POPDC1: variants seen among roughly 807,000 people sequenced by gnomAD.
POPDC1 encodes the protein popeye domain-containing protein 1.
At chr6:105,113,689 C>T in the POPDC1 span, among the ~76,000 whole-genome samples, 1 of 152,054 alleles carries the variant, frequency 6.6e-6, no homozygotes, top group Non-Finnish European at 1.5e-5. Flanking sequence ...TTAATACCTT[C>T]AAAAAGTTAC....
the POPDC1 span, chr6:105,133,302 C>T: frequency 6.9e-7 from 1 of 1,453,074 alleles, no homozygotes; most frequent in Non-Finnish European, 9.5e-7. Flanking sequence ...TAAAGCCCAT[C>T]TTATGTCAGT....
At chr6:105,129,566 A>C in the POPDC1 span, 1 of 1,512,186 alleles carries the variant, frequency 6.6e-7, no homozygotes, top group Non-Finnish European at 9.0e-7. Flanking sequence ...GAGCTTAATA[A>C]ATTTGATATC....
chr6:105,109,784 A>AAAAAAAAAAAAAAAAAAAAAT, the POPDC1 span, among the ~76,000 whole-genome samples: 1 of 140,926 alleles, frequency 7.1e-6, no homozygotes, highest in African/African-American at 2.6e-5. Context: ...AAAAAAAAAG[A>AAAAAAAAAAAAAAAAAAAAAT]TTAAGTGTAT....
At chr6:105,115,811 T>C in the POPDC1 span, 1 of 1,613,706 alleles carries the variant, frequency 6.2e-7, no homozygotes, top group Non-Finnish European at 8.5e-7. Flanking sequence ...GAGCTGATGT[T>C]CCAGCTTTTT....
the POPDC1 span, among the ~76,000 whole-genome samples, chr6:105,127,352 G>A: frequency 6.6e-6 from 1 of 152,214 alleles, no homozygotes; most frequent in African/African-American, 2.4e-5. Flanking sequence ...TTCAGAAAAT[G>A]CAATCATTAT....
the POPDC1 span, among the ~76,000 whole-genome samples, chr6:105,106,728 T>C: frequency 6.6e-6 from 1 of 152,164 alleles, no homozygotes; most frequent in Non-Finnish European, 1.5e-5. Flanking sequence ...AGGGCGGGCT[T>C]GGGCTGCCCT....
chr6:105,132,018 T>A, the POPDC1 span, among the ~76,000 whole-genome samples: 1 of 150,292 alleles, frequency 6.7e-6, no homozygotes, highest in Admixed American at 6.7e-5. Context: ...CAGGTTGGAG[T>A]GCAGTGGCAC....
the POPDC1 span, chr6:105,096,896 CA>C: frequency 3.9e-5 from 6 of 152,752 alleles, no homozygotes; most frequent in South Asian, 1.2e-3. Context: ...TCTATCCAGA[CA>C]AAAAGCATCT....
At chr6:105,118,379 T>G in the POPDC1 span, among the ~76,000 whole-genome samples, 1 of 152,240 alleles carries the variant, frequency 6.6e-6, no homozygotes, top group Non-Finnish European at 1.5e-5. Flanking sequence ...TGTTTATTTA[T>G]TATATCAAAA....
chr6:105,102,275 G>A, the POPDC1 span, among the ~76,000 whole-genome samples: 2 of 152,194 alleles, frequency 1.3e-5, no homozygotes, highest in African/African-American at 4.8e-5. Flanking sequence ...AAGACATGAA[G>A]CAGATCTGCT....
the POPDC1 span, chr6:105,125,627 A>C: frequency 2.6e-5 from 40 of 1,553,468 alleles, no homozygotes; most frequent in Non-Finnish European, 3.5e-5. Flanking sequence ...CAGCAATCCC[A>C]AAACACTGAC....
chr6:105,096,830 G>C, the POPDC1 span: 1 of 152,626 alleles, frequency 6.6e-6, no homozygotes, highest in Non-Finnish European at 1.5e-5. Context: ...CATTTTCTAA[G>C]TAAGAAATTT....
At chr6:105,107,358 G>T in the POPDC1 span, among the ~76,000 whole-genome samples, 1 of 152,150 alleles carries the variant, frequency 6.6e-6, no homozygotes, top group African/African-American at 2.4e-5. Context: ...TCCCTATTAA[G>T]CTTATTTCTA....
At chr6:105,102,735 A>C in the POPDC1 span, among the ~76,000 whole-genome samples, 3 of 152,216 alleles carry the variant, frequency 2.0e-5, no homozygotes, top group Non-Finnish European at 4.4e-5. Flanking sequence ...TTGGGCCTAT[A>C]GAACATGTGA....
the POPDC1 span, among the ~76,000 whole-genome samples, chr6:105,119,719 G>A: frequency 6.6e-6 from 1 of 152,168 alleles, no homozygotes; most frequent in Admixed American, 6.5e-5. Context: ...TCATCTATGA[G>A]ATGAAGAAAT....
chr6:105,115,364 C>T, the POPDC1 span, among the ~76,000 whole-genome samples: 2 of 152,086 alleles, frequency 1.3e-5, no homozygotes, highest in Non-Finnish European at 2.9e-5. Context: ...CTGATCTGCC[C>T]GCCTCAGCCT....
At chr6:105,118,347 C>G in the POPDC1 span, among the ~76,000 whole-genome samples, 1 of 152,182 alleles carries the variant, frequency 6.6e-6, no homozygotes, top group Non-Finnish European at 1.5e-5. Context: ...GTGGTGTCAA[C>G]ATTCCTAGGA....
chr6:105,133,271 A>C, the POPDC1 span: 1 of 1,222,378 alleles, frequency 8.2e-7, no homozygotes, highest in Non-Finnish European at 1.1e-6. Context: ...CCTGACAAAG[A>C]ATACTCTGAA....
At chr6:105,129,466 T>A in the POPDC1 span, 1 of 1,612,570 alleles carries the variant, frequency 6.2e-7, no homozygotes, top group Non-Finnish European at 8.5e-7. Flanking sequence ...CCAAGGCACA[T>A]CGGTAGAGAG....
Sources: allele counts gnomAD v4.1 joint callset (sites outside exome capture counted in the v4.1 genomes callset), GRCh38; gene constraint gnomAD v4.1.1; transcripts MANE v1.5; gene names NCBI Gene and HGNC (gene_info 2026-07-23, HGNC 2026-07-21).